HADHB: variants seen among roughly 807,000 people sequenced by gnomAD.
HADHB encodes the protein trifunctional enzyme subunit beta, mitochondrial.
Under a neutral mutation model 61.9 loss-of-function variants are expected in HADHB, and 50 were observed. That is an observed-to-expected ratio of 0.81 (90% confidence interval 0.64 to 1.02). The LOEUF (loss-of-function observed/expected upper bound fraction) is 1.02. Among genes scored for constraint, HADHB ranks in the 50% least tolerant of loss-of-function variants. The probability of loss-of-function intolerance (pLI) is 0.00; values close to 1 mark genes in which losing one functional copy is unlikely to be tolerated. For synonymous variants in HADHB, 191 were observed against 201.6 expected (o/e 0.95, Z 0.45); for missense variants, 504 against 586.5 (o/e 0.86, Z 1.45).
Position 26,269,997 on chromosome 2 carries a change from C to T in HADHB, c.254C>T (p.Thr85Met), listed in dbSNP as rs756937853. Residue 85 changes from threonine (T) to methionine (M), a missense_variant and splice_region_variant, in exon 5 of 16, where the codon ACG becomes ATG. By Grantham distance (81) the Thr-to-Met change is moderately conservative (BLOSUM62 -1). Transcript: ENST00000317799. ...MPHDLARAAL[T>M]GLLHRTSVPK... ...CATGATTTGGCTAGAGCAGCGCTTA[C>T]GTAAGTAAATGCAGTTTCATTTCCG... 9.4e-6 allele frequency: 15 copies of T among 1,591,970 alleles called. No individual in the cohort carries two copies. The highest frequency in any genetic ancestry group is 1.7e-4 in the Middle Eastern group (1 of 6,036).
intron 10 of HADHB, among the ~76,000 whole-genome samples, chr2:26,281,768 T>C (rs1672799194): frequency 6.6e-6 from 1 of 152,140 alleles, no homozygotes; most frequent in South Asian, 2.1e-4. Flanking sequence ...CTCCAGACTT[T>C]ATGGACACCC....
Position 26,274,520 on chromosome 2 carries a change from C to G in HADHB, c.354+770C>G, listed in dbSNP as rs186981121. Among the ~76,000 whole-genome samples the G allele has an allele frequency of 1.1e-3, 170 of 152,280 alleles. 1 individual carries two copies. The highest frequency in any genetic ancestry group is 3.9e-3 in the African/African-American group (163 of 41,556). On this transcript the variant is annotated intron_variant, in intron 6 of 15. Transcript: ENST00000317799. ...CAGGACTGAAAGTATTTGTTCTGTT[C>G]CACCTCTGTACCTGGCAGAAATGTT...
At chr2:26,272,476 G>T (rs575791096) in intron 5 of HADHB, among the ~76,000 whole-genome samples, 18 of 151,750 alleles carry the variant, frequency 1.2e-4, no homozygotes, top group Admixed American at 1.3e-4. Context: ...CTTCCGAGTA[G>T]CTGGAATTAC....
rs747794270 is a variant in HADHB at position 26,282,988 on chromosome 2, C to CT, written c.1014-15dup. ...TATTTTATTACCAAAGCTCACCTCTCTATTTTTTTACCTAGGGATTTTATG... is the reference window on the plus strand; with the variant it reads ...TATTTTATTACCAAAGCTCACCTCTCTTATTTTTTTACCTAGGGATTTTATG... On this transcript the variant is annotated splice_polypyrimidine_tract_variant and intron_variant, in intron 11 of 15. Coordinates refer to ENST00000317799, the MANE Select transcript of HADHB (RefSeq NM_000183.3). 2.5e-6 allele frequency: 4 copies of CT among 1,606,764 alleles called. No individual in the cohort carries two copies. The Admixed American group carries it at 6.7e-5, about 27-fold the overall frequency.
At chr2:26,283,988 A>T in intron 12 of HADHB, 129 bp from the exon 13 acceptor site, 1 of 668,330 alleles carries the variant, frequency 1.5e-6, no homozygotes. Flanking sequence ...TTCATTAATC[A>T]GTACAGAAAA....
intron 1 of HADHB, among the ~76,000 whole-genome samples, chr2:26,251,595 T>C (rs1270134589): frequency 1.3e-5 from 2 of 152,220 alleles, no homozygotes; most frequent in East Asian, 3.8e-4. Flanking sequence ...GTAAGGGAAC[T>C]TGTAGCCCAG....
At chr2:26,284,728 A>G (rs1672951585) in intron 13 of HADHB, among the ~76,000 whole-genome samples, 155 bp from the exon 14 acceptor site, 2 of 152,132 alleles carry the variant, frequency 1.3e-5, no homozygotes, top group Admixed American at 6.6e-5. Context: ...TGGCCTCCCA[A>G]AGTGCTGGGA....
intron 5 of HADHB, among the ~76,000 whole-genome samples, chr2:26,272,090 G>A (rs957512775): frequency 2.0e-5 from 3 of 151,898 alleles, no homozygotes; most frequent in African/African-American, 7.3e-5. Flanking sequence ...AAAAACTACA[G>A]ATTTTACAGA....
intron 1 of HADHB, among the ~76,000 whole-genome samples, chr2:26,250,121 C>T (rs1382229388): frequency 6.6e-6 from 1 of 152,136 alleles, no homozygotes; most frequent in Non-Finnish European, 1.5e-5. Flanking sequence ...ATTTTCCTGC[C>T]TCAGTTCCCA....
chr2:26,268,316 C>T (rs1202662678), intron 4 of HADHB, among the ~76,000 whole-genome samples: 1 of 152,144 alleles, frequency 6.6e-6, no homozygotes. Context: ...ATGATGATTT[C>T]GACATACGTC....
rs1558347534 is a variant in HADHB, at chr2:26,263,612, A to G, written c.209+133A>G. 8 of 716,122 alleles carry G rather than the reference A, an allele frequency of 1.1e-5. No homozygotes were observed. In the Admixed American group the frequency reaches 1.2e-4, roughly 11 times the overall value. 44.4% of individuals were successfully genotyped at this position (716,122 alleles called of 1,614,324 possible). ...TTTGGATAGCAGTCCCATGAAATTA[A>G]TATAGAATAAGTCAAGACAGTGGTG... On this transcript the variant is annotated intron_variant, in intron 4 of 15. Transcript: ENST00000317799.
intron 1 of HADHB, among the ~76,000 whole-genome samples, chr2:26,246,379 G>A (rs923936846): frequency 6.9e-6 from 1 of 143,958 alleles, no homozygotes; most frequent in Non-Finnish European, 1.5e-5. Flanking sequence ...TTTTGCTCTT[G>A]TTGTCCAGGC....
In HADHB at chr2:26,290,091, T is replaced by C. The variant is rs1408155535; in HGVS notation, c.*138T>C. On this transcript the variant is annotated 3_prime_UTR_variant, in exon 16 of 16. Coordinates refer to ENST00000317799, the MANE Select transcript of HADHB (RefSeq NM_000183.3). ...TTCTTGTGGCCTTCTATTAAATAGT[T>C]TGCACTTAAGCCTTGCCAGTGTTCT... 2 of 751,872 alleles carry C rather than the reference T, an allele frequency of 2.7e-6. No homozygotes were observed. Among genetic ancestry groups the C allele is most frequent in the Non-Finnish European group, 4.9e-6 (2 of 411,964 alleles). 46.6% of individuals were successfully genotyped at this position (751,872 alleles called of 1,614,324 possible).
chr2:26,253,580 C>T (rs555088520), intron 1 of HADHB, among the ~76,000 whole-genome samples: 12 of 152,202 alleles, frequency 7.9e-5, no homozygotes, highest in Admixed American at 5.2e-4. Context: ...GGGCCTGGTG[C>T]GGTAGCTCAC....
chr2:26,286,715 A>G (rs1351688862), intron 15 of HADHB, among the ~76,000 whole-genome samples: 1 of 150,136 alleles, frequency 6.7e-6, no homozygotes, highest in Non-Finnish European at 1.5e-5. Flanking sequence ...CGTATTGGCC[A>G]GGCCGGTCTC....
intron 13 of HADHB, 106 bp from the exon 14 acceptor site, chr2:26,284,777 A>G: frequency 2.6e-6 from 2 of 778,934 alleles, no homozygotes; most frequent in Non-Finnish European, 4.7e-6. Flanking sequence ...GATTTGTTCA[A>G]CTTTAAACCA....
chr2:26,282,424 C>CT (rs1433724109), intron 10 of HADHB, among the ~76,000 whole-genome samples: 1 of 151,708 alleles, frequency 6.6e-6, no homozygotes, highest in East Asian at 1.9e-4. Flanking sequence ...CCACACCTGG[C>CT]TAAGTTTTTC....
chr2:26,253,415 A>G (rs931925311), intron 1 of HADHB, among the ~76,000 whole-genome samples: 1 of 152,176 alleles, frequency 6.6e-6, no homozygotes, highest in African/African-American at 2.4e-5. Flanking sequence ...AACATTCCAC[A>G]AAGCCTTCTA....
At chr2:26,278,918 A>G (rs1339704782) in intron 8 of HADHB, 117 bp downstream of exon 8, 1 of 1,038,112 alleles carries the variant, frequency 9.6e-7, no homozygotes, top group Non-Finnish European at 1.5e-6. Flanking sequence ...AGGGTTAATT[A>G]CTTGCTCAAG....
Sources: allele counts gnomAD v4.1 joint callset (sites outside exome capture counted in the v4.1 genomes callset), GRCh38; gene constraint gnomAD v4.1.1; transcripts MANE v1.5; gene names NCBI Gene and HGNC (gene_info 2026-07-23, HGNC 2026-07-21).